Variants in TXNRD2 observed in about 807,000 individuals in gnomAD.
The protein encoded by TXNRD2 is thioredoxin reductase 2, also known as thioredoxin reductase 2, mitochondrial.
TXNRD2 carries 67 observed loss-of-function variants against 70.8 expected under a neutral mutation model. That is an observed-to-expected ratio of 0.95 (90% CI 0.78 to 1.16). TXNRD2 has a LOEUF of 1.16. Ranked by LOEUF, TXNRD2 falls within the 50% of genes most tolerant of loss-of-function variation. The pLI, the probability that TXNRD2 is intolerant of heterozygous loss-of-function variation, is 0.00. For synonymous variants in TXNRD2, 301 were observed against 295.8 expected (o/e 1.02, Z -0.18); for missense variants, 644 against 719.9 (o/e 0.89, Z 1.21).
At chr22:19,933,502 G>C (rs1941440310) in intron 1 of TXNRD2, 2 of 1,289,454 alleles carry the variant, frequency 1.6e-6, no homozygotes, top group Non-Finnish European at 2.0e-6. Flanking sequence ...CTGCCCTGCA[G>C]CCTCGCACTG....
chr22:19,881,352 GC>G (rs1315046493), intron 12 of TXNRD2: 1 of 332,504 alleles, frequency 3.0e-6, no homozygotes, highest in Non-Finnish European at 5.4e-6. Flanking sequence ...TAAACTCAGA[GC>G]GCAGCCTGCG....
In TXNRD2 at chr22:19,911,436, G is replaced by C. The variant is rs1290640058; in HGVS notation, c.603C>G (p.Ala201=). 6.2e-7 allele frequency: 1 copy of C among 1,613,718 alleles called. No homozygotes were observed. The highest frequency in any genetic ancestry group is 2.2e-5 in the East Asian group (1 of 44,894). The change falls in exon 8 of 18, where the codon GCC becomes GCG. Residue 201 remains alanine (A), a synonymous_variant. Transcript: ENST00000400521. The part of the protein sequence containing the change: ...RPRYPTHIEG[A]LEYGITSDDI... The stretch of plus-strand genomic sequence containing the variant: ...CATCACTTGTGATTCCATATTCCAA[G>C]GCACCTTCGATCTGTCAAGACAGAA...
intron 8 of TXNRD2, chr22:19,910,797 G>C: frequency 5.3e-6 from 1 of 187,964 alleles, no homozygotes; most frequent in Non-Finnish European, 1.1e-5. Flanking sequence ...TTTGTAGGCT[G>C]GGTGTGGTGG....
rs547340013 is a variant in TXNRD2 at position 19,877,922 on chromosome 22, C to T, written c.1445+168G>A. ...TGGCTGGGGCAGAACCGCCTCTTGT[C>T]CCCCTAAAACCCGCCCTGTCTGAGG... On this transcript the variant is annotated intron_variant, in intron 16 of 17. Coordinates refer to ENST00000400521, the MANE Select transcript of TXNRD2 (RefSeq NM_006440.5). 6.6e-5 allele frequency among the ~76,000 whole-genome samples: 10 copies of T among 152,312 alleles called. No individual in the cohort carries two copies. The East Asian group carries it at 1.5e-3, about 24-fold the overall frequency.
At chr22:19,930,932 C>A in intron 2 of TXNRD2, 98 bp downstream of exon 2, 1 of 1,076,154 alleles carries the variant, frequency 9.3e-7, no homozygotes, top group Non-Finnish European at 1.4e-6. Flanking sequence ...AGCAGGGAGG[C>A]AACGCATTTT....
intron 11 of TXNRD2, among the ~76,000 whole-genome samples, chr22:19,886,071 G>A (rs1191230662): frequency 5.9e-5 from 9 of 152,238 alleles, no homozygotes; most frequent in Non-Finnish European, 2.9e-5. Flanking sequence ...AGTGGGCTGC[G>A]CGGCACAGAC....
In TXNRD2 at chr22:19,911,354, C is replaced by A. The variant is rs200299852; in HGVS notation, c.662+23G>T. On this transcript the variant is annotated intron_variant, in intron 8 of 17. Transcript: ENST00000400521. ...ACTCTGGTGAACAAAAAGAGGACCCCACCAAGCACGCGCAGGCCTTACGTT... is the reference window on the plus strand; with the variant it reads ...ACTCTGGTGAACAAAAAGAGGACCCAACCAAGCACGCGCAGGCCTTACGTT... 7 of 1,602,772 alleles carry A rather than the reference C, an allele frequency of 4.4e-6. No homozygotes were observed. The East Asian group carries it at 1.6e-4, about 36-fold the overall frequency.
intron 1 of TXNRD2, among the ~76,000 whole-genome samples, chr22:19,934,552 T>C (rs1485594501): frequency 6.7e-6 from 1 of 149,560 alleles, no homozygotes; most frequent in African/African-American, 2.5e-5. Flanking sequence ...CAAGTAATAC[T>C]TTTATACTTT....
chr22:19,877,266 G>C, intron 16 of TXNRD2, 32 bp from the exon 17 acceptor site: 1 of 1,599,150 alleles, frequency 6.3e-7, no homozygotes, highest in Non-Finnish European at 8.6e-7. Context: ...GGCAGGCGGG[G>C]TCAGCACAGG....
intron 2 of TXNRD2, among the ~76,000 whole-genome samples, chr22:19,927,375 C>T (rs778305366): frequency 1.4e-4 from 21 of 152,138 alleles, no homozygotes; most frequent in Non-Finnish European, 2.5e-4. Flanking sequence ...CAGTACTCCA[C>T]TGGACATGGT....
chr22:19,932,213 A>G, intron 1 of TXNRD2: 1 of 1,421,108 alleles, frequency 7.0e-7, no homozygotes, highest in East Asian at 2.3e-5. Flanking sequence ...TGTCCCTCAC[A>G]GCTGGCCAGT....
At position 19,877,236 on chromosome 22, in the gene TXNRD2, T is replaced by C; in HGVS notation, c.1446-2A>G. On this transcript the variant is annotated splice_acceptor_variant, in intron 16 of 17. Transcript: ENST00000400521. LOFTEE classifies it high-confidence loss of function. ...ACCTGCGCATAGGAAGCCCCACACC[T>C]GCACATGGGGGATGGGGGAGGCAGG... 6.2e-7 allele frequency: 1 copy of C among 1,606,760 alleles called. No homozygotes were observed. Among genetic ancestry groups the C allele is most frequent in the Non-Finnish European group, 8.5e-7 (1 of 1,175,070 alleles).
At chr22:19,927,386 G>A (rs971387841) in intron 2 of TXNRD2, among the ~76,000 whole-genome samples, 1 of 152,138 alleles carries the variant, frequency 6.6e-6, no homozygotes, top group Admixed American at 6.6e-5. Flanking sequence ...TGGACATGGT[G>A]GCTCATGCCT....
intron 8 of TXNRD2, among the ~76,000 whole-genome samples, chr22:19,900,443 AG>A (rs1939721588): frequency 6.6e-6 from 1 of 152,206 alleles, no homozygotes; most frequent in Admixed American, 6.5e-5. Flanking sequence ...GAAAGGTACA[AG>A]CTTTTGTTTA....
At chr22:19,884,508 T>C in intron 11 of TXNRD2, 1 of 152,388 alleles carries the variant, frequency 6.6e-6, no homozygotes, top group Non-Finnish European at 1.5e-5. Flanking sequence ...AACCAGCCCT[T>C]CATGGGGAGC....
At position 19,922,635 on chromosome 22, in the gene TXNRD2, C is replaced by T. The variant is rs1284683673; in HGVS notation, c.173-3036G>A. On this transcript the variant is annotated intron_variant, in intron 2 of 17. Transcript: ENST00000400521. The stretch of plus-strand genomic sequence containing the variant: ...TAAACCTCTTATGCATCTCAACTTG[C>T]ACTATATGGTAGCTACTTTTCACAG... 2.0e-5 allele frequency among the ~76,000 whole-genome samples: 3 copies of T among 152,236 alleles called. No homozygotes were observed. The East Asian group carries it at 5.8e-4, about 29-fold the overall frequency.
intron 1 of TXNRD2, chr22:19,941,470 C>T: frequency 1.7e-6 from 1 of 605,282 alleles, no homozygotes; most frequent in South Asian, 3.4e-5. Flanking sequence ...GTCAGCACAG[C>T]AGGACCTTAG....
At position 19,890,427 on chromosome 22, in the gene TXNRD2, C is replaced by G. The variant is rs5748461; in HGVS notation, c.949+4980G>C. Among the ~76,000 whole-genome samples, 92 of 152,352 alleles carry G rather than the reference C, an allele frequency of 6.0e-4. No homozygotes were observed. In the East Asian group the frequency reaches 0.018, roughly 29 times the overall value. On this transcript the variant is annotated intron_variant, in intron 11 of 17. Coordinates refer to ENST00000400521, the MANE Select transcript of TXNRD2 (RefSeq NM_006440.5). ...TGTCACCTGCTCAGGGATGGCCACTCCACCCTGAGAGCATGGAGGCATGTG... is the reference window on the plus strand; with the variant it reads ...TGTCACCTGCTCAGGGATGGCCACTGCACCCTGAGAGCATGGAGGCATGTG...
chr22:19,892,756 G>A (rs962343763), intron 11 of TXNRD2, among the ~76,000 whole-genome samples: 1 of 152,150 alleles, frequency 6.6e-6, no homozygotes, highest in Non-Finnish European at 1.5e-5. Flanking sequence ...GGAGAAACTC[G>A]CCACCTCCCC....
Sources: gnomAD v4.1 joint callset for allele counts (sites outside exome capture counted in the v4.1 genomes callset) on GRCh38, gnomAD v4.1.1 for gene constraint, MANE v1.5 for transcripts, NCBI Gene and HGNC (gene_info 2026-07-23, HGNC 2026-07-21) for gene names.